The following IGSF3 variants were observed in gnomAD, a reference collection of about 807,000 sequenced individuals.
IGSF3 encodes immunoglobulin superfamily member 3, also known as glu-Trp-Ile EWI motif-containing protein 3.
A neutral mutation model predicts 114.4 loss-of-function variants in IGSF3; 23 were observed. The observed-to-expected ratio is 0.20, with a 90% CI of 0.14 to 0.28. IGSF3 has a LOEUF of 0.28. Among genes scored for constraint, IGSF3 ranks in the 10% least tolerant of loss-of-function variants. IGSF3 has a pLI of 1.00. For missense variants in IGSF3, 1,172 were observed against 1,591.5 expected (o/e 0.74, Z 4.48); for synonymous variants, 571 against 645.2 (o/e 0.88, Z 1.74).
At chr1:116,626,806 T>A (rs1647308954) in intron 2 of IGSF3, among the ~76,000 whole-genome samples, 1 of 152,092 alleles carries the variant, frequency 6.6e-6, no homozygotes, top group African/African-American at 2.4e-5. Flanking sequence ...CTCACCTGCA[T>A]TCCCCCTCAC....
chr1:116,636,333 G>A lies in IGSF3; in HGVS notation c.44-19876C>T, dbSNP rs1032673324. On this transcript the variant is annotated intron_variant, in intron 2 of 10. Transcript: ENST00000369486. The surrounding 1 kb of genome is among the most constrained non-coding windows in gnomAD (Gnocchi z 4.5). Reference sequence around the variant, plus strand: ...CCCTTTTTGGCCTCAAGCACATCACGAGGAAGGCTGGTGACAACCTTTCCT... The same window carrying A: ...CCCTTTTTGGCCTCAAGCACATCACAAGGAAGGCTGGTGACAACCTTTCCT... Among the ~76,000 whole-genome samples, 1 of 152,146 alleles carries A rather than the reference G, an allele frequency of 6.6e-6. No homozygotes were observed. Among genetic ancestry groups the A allele is most frequent in the Non-Finnish European group, 1.5e-5 (1 of 68,038 alleles).
In IGSF3 at chr1:116,574,554, T is replaced by C. The variant is rs1659259114; in HGVS notation, c.*2758A>G. ...TGGGTAGTTTTCTTACCCCATCTTTTTTTTTCCTCAATAATTAACGCAGAG... is the reference window on the plus strand; with the variant it reads ...TGGGTAGTTTTCTTACCCCATCTTTCTTTTTCCTCAATAATTAACGCAGAG... On this transcript the variant is annotated 3_prime_UTR_variant, in exon 11 of 11. Transcript: ENST00000369486. This position sits in a 1 kb window ranked among gnomAD's most constrained non-coding sequence, Gnocchi z 5.2. 6.6e-6 allele frequency: 1 copy of C among 152,644 alleles called. No individual in the cohort carries two copies. The highest frequency in any genetic ancestry group is 6.5e-5 in the Admixed American group (1 of 15,288). The allele number at this position is 152,644 out of a possible 1,614,324, so 9.5% of individuals were successfully genotyped here.
chr1:116,576,663 T>C lies in IGSF3; in HGVS notation c.*649A>G, dbSNP rs1168591525. ...ATTTCTCTTGTACATACACAGTTCTTTGAAGCAAAATTCAGTGCTTTCGTC... is the reference window on the plus strand; with the variant it reads ...ATTTCTCTTGTACATACACAGTTCTCTGAAGCAAAATTCAGTGCTTTCGTC... On this transcript the variant is annotated 3_prime_UTR_variant, in exon 11 of 11. Coordinates refer to ENST00000369486, the MANE Select transcript of IGSF3 (RefSeq NM_001007237.3). This position sits in a 1 kb window ranked among gnomAD's most constrained non-coding sequence, Gnocchi z 4.6. 6.5e-6 allele frequency: 1 copy of C among 152,920 alleles called. No individual in the cohort carries two copies. The highest frequency in any genetic ancestry group is 1.5e-5 in the Non-Finnish European group (1 of 68,256). The allele number at this position is 152,920 out of a possible 1,614,324, so 9.5% of individuals were successfully genotyped here.
chr1:116,592,729 T>C lies in IGSF3; in HGVS notation c.2030-3625A>G, dbSNP rs1371922683. ...CCCTTACGCTCTACTATAGCTGTGTTACTGCTGCCTTACAACGAAGGTAAT... is the reference window on the plus strand; with the variant it reads ...CCCTTACGCTCTACTATAGCTGTGTCACTGCTGCCTTACAACGAAGGTAAT... On this transcript the variant is annotated intron_variant, in intron 7 of 10. Transcript: ENST00000369486. The surrounding 1 kb of genome is among the most constrained non-coding windows in gnomAD (Gnocchi z 4.5). 6.6e-6 allele frequency among the ~76,000 whole-genome samples: 1 copy of C among 152,244 alleles called. No individual in the cohort carries two copies. The highest frequency in any genetic ancestry group is 1.5e-5 in the Non-Finnish European group (1 of 68,044).
rs1660679945 is a variant in IGSF3 at position 116,603,545 on chromosome 1, T to A, written c.1624+79A>T. ...CATAGTTTCCTGCTAAAACTCTGAC[T>A]GAGAAAAGTCAGGATAAGGTGTTTG... On this transcript the variant is annotated intron_variant, in intron 6 of 10. Transcript: ENST00000369486. The surrounding 1 kb of genome is among the most constrained non-coding windows in gnomAD (Gnocchi z 7.1). The A allele has an allele frequency of 7.1e-7, 1 of 1,414,264 alleles. No homozygotes were observed. 87.6% of individuals were successfully genotyped at this position (1,414,264 alleles called of 1,614,324 possible). A position where few individuals can be genotyped will look rare whatever the true frequency, so the allele number is the denominator to read the frequency against.
chr1:116,645,923 T>C (rs1326061159), intron 2 of IGSF3, among the ~76,000 whole-genome samples: 5 of 152,160 alleles, frequency 3.3e-5, no homozygotes, highest in Admixed American at 2.0e-4. Flanking sequence ...CTGGAAGCCA[T>C]GGACGCGACT....
In IGSF3 at chr1:116,589,066, T is replaced by G. The variant is rs1571124703; in HGVS notation, c.2068A>C (p.Thr690Pro). ...LQVSKSKRTLTLVENKPIQLN... is the reference protein window; with the variant it reads ...LQVSKSKRTLPLVENKPIQLN... ...TGAATGGGCTTGTTTTCCACCAGGG[T>G]GAGGGTCCTCTTCGATTTGCTCACC... Residue 690 changes from threonine (T) to proline (P), a missense_variant, in exon 8 of 11, where the codon ACC (threonine) becomes CCC (proline). Around this residue, in one of 3 missense-constraint regions of IGSF3, gnomAD observed 736 missense variants for 1,042.0 expected, o/e 0.71. Coordinates refer to ENST00000369486, the MANE Select transcript of IGSF3 (RefSeq NM_001007237.3). This position sits in a 1 kb window ranked among gnomAD's most constrained non-coding sequence, Gnocchi z 5.7. 6.2e-7 allele frequency: 1 copy of G among 1,614,070 alleles called. No individual in the cohort carries two copies.
At chr1:116,637,284 CA>C (rs1431324718) in intron 2 of IGSF3, among the ~76,000 whole-genome samples, 8 of 152,172 alleles carry the variant, frequency 5.3e-5, no homozygotes, top group African/African-American at 1.7e-4. Flanking sequence ...AAATTGGGCT[CA>C]GGGGTCCTGG....
chr1:116,585,876 A>G lies in IGSF3; in HGVS notation c.2441-824T>C, dbSNP rs1200333934. 2.0e-5 allele frequency among the ~76,000 whole-genome samples: 3 copies of G among 152,234 alleles called. No homozygotes were observed. The highest frequency in any genetic ancestry group is 2.1e-4 in the South Asian group (1 of 4,834). On this transcript the variant is annotated intron_variant, in intron 8 of 10. Transcript: ENST00000369486. This position sits in a 1 kb window ranked among gnomAD's most constrained non-coding sequence, Gnocchi z 4.9. Reference sequence around the variant, plus strand: ...TTGCACACTCCAGCCTGTGCAACAGAGTGAGACTGTCTCAAAAAAAAGAAA... The same window carrying G: ...TTGCACACTCCAGCCTGTGCAACAGGGTGAGACTGTCTCAAAAAAAAGAAA...
chr1:116,623,392 C>T (rs1277058306), intron 2 of IGSF3, among the ~76,000 whole-genome samples: 1 of 152,114 alleles, frequency 6.6e-6, no homozygotes, highest in Non-Finnish European at 1.5e-5. Context: ...GCTGGCTAAA[C>T]ACACTTGCAC....
In IGSF3 at chr1:116,634,560, AG is replaced by A. The variant is rs1483522591; in HGVS notation, c.44-18104del. ...GTTCTCAGTTTGCCCATCAAATCTC[AG>A]GTGGCACTCTCCATTCCCTGCTATG... On this transcript the variant is annotated intron_variant, in intron 2 of 10. Coordinates refer to ENST00000369486, the MANE Select transcript of IGSF3 (RefSeq NM_001007237.3). The surrounding 1 kb of genome is among the most constrained non-coding windows in gnomAD (Gnocchi z 4.2). Among the ~76,000 whole-genome samples, 2 of 152,196 alleles carry A rather than the reference AG, an allele frequency of 1.3e-5. No homozygotes were observed. The highest frequency in any genetic ancestry group is 4.8e-5 in the African/African-American group (2 of 41,444).
chr1:116,580,605 G>C (rs180989935), intron 9 of IGSF3, among the ~76,000 whole-genome samples: 1 of 152,250 alleles, frequency 6.6e-6, no homozygotes, highest in Non-Finnish European at 1.5e-5. Flanking sequence ...GCAAGAAGGC[G>C]CCGTCTGCGG....
At chr1:116,652,989 T>A (rs905081582) in intron 2 of IGSF3, among the ~76,000 whole-genome samples, 5 of 152,116 alleles carry the variant, frequency 3.3e-5, no homozygotes, top group African/African-American at 1.2e-4. Flanking sequence ...GCAGGCTCTG[T>A]CCCCATGCCA....
rs1648759793 is a variant in IGSF3 at position 116,654,417 on chromosome 1, T to C, written c.43+11867A>G. On this transcript the variant is annotated intron_variant, in intron 2 of 10. Transcript: ENST00000369486. This position sits in a 1 kb window ranked among gnomAD's most constrained non-coding sequence, Gnocchi z 4.4. ...AGAAAAGTGCAGATCAATGCCTCCT[T>C]AGGGTTAACCCCAGGTTGGGAGAGG... 2.0e-5 allele frequency among the ~76,000 whole-genome samples: 3 copies of C among 152,176 alleles called. No homozygotes were observed. The highest frequency in any genetic ancestry group is 7.2e-5 in the African/African-American group (3 of 41,442).
intron 4 of IGSF3, 137 bp downstream of exon 4, chr1:116,613,628 C>T (rs1289089127): frequency 7.4e-6 from 6 of 810,532 alleles, no homozygotes; most frequent in Non-Finnish European, 1.2e-5. Context: ...CAGCCGCACA[C>T]AAGACCGGCT....
rs115435108 is a variant in IGSF3 at position 116,604,892 on chromosome 1, C to T, written c.1223-867G>A. ...CTTCTGTAAGACAGGTAGAGAGCCA[C>T]CTTTAACTGTAGAATTCTTTAAATA... On this transcript the variant is annotated intron_variant, in intron 5 of 10. Coordinates refer to ENST00000369486, the MANE Select transcript of IGSF3 (RefSeq NM_001007237.3). Among the ~76,000 whole-genome samples, 584 of 152,266 alleles carry T rather than the reference C, an allele frequency of 3.8e-3. 5 individuals carry two copies. The highest frequency in any genetic ancestry group is 0.013 in the African/African-American group (541 of 41,550).
rs1299412016 is a variant in IGSF3 at position 116,576,515 on chromosome 1, T to C, written c.*797A>G. 6.6e-6 allele frequency: 1 copy of C among 152,638 alleles called. No homozygotes were observed. Among genetic ancestry groups the C allele is most frequent in the African/African-American group, 2.4e-5 (1 of 41,436 alleles). 9.5% of individuals were successfully genotyped at this position (152,638 alleles called of 1,614,324 possible). On this transcript the variant is annotated 3_prime_UTR_variant, in exon 11 of 11. Coordinates refer to ENST00000369486, the MANE Select transcript of IGSF3 (RefSeq NM_001007237.3). The surrounding 1 kb of genome is among the most constrained non-coding windows in gnomAD (Gnocchi z 4.6). Reference sequence around the variant, plus strand: ...CTTTAATTTGGAAAGTGTGTGCCGTTTGGGGCTTCTGACCCATTCTCCAAG... The same window carrying C: ...CTTTAATTTGGAAAGTGTGTGCCGTCTGGGGCTTCTGACCCATTCTCCAAG...
chr1:116,604,103 G>C, intron 5 of IGSF3, 78 bp from the exon 6 acceptor site: 2 of 1,283,024 alleles, frequency 1.6e-6, no homozygotes, highest in Non-Finnish European at 2.1e-6. Context: ...AACAGGAGAA[G>C]GGGTGCAAAT....
Position 116,610,223 on chromosome 1 carries a change from C to T in IGSF3, c.833-1892G>A, listed in dbSNP as rs1335988691. Among the ~76,000 whole-genome samples the T allele has an allele frequency of 6.6e-6, 1 of 152,214 alleles. No homozygotes were observed. The highest frequency in any genetic ancestry group is 2.4e-5 in the African/African-American group (1 of 41,448). ...GTCATTTATAACCCAACATCAATGA[C>T]AGAAAAGCACTCCTTCCACATAAAC... On this transcript the variant is annotated intron_variant, in intron 4 of 10. Coordinates refer to ENST00000369486, the MANE Select transcript of IGSF3 (RefSeq NM_001007237.3). This position sits in a 1 kb window ranked among gnomAD's most constrained non-coding sequence, Gnocchi z 4.3.
Sources: gnomAD v4.1 joint callset for allele counts (sites outside exome capture counted in the v4.1 genomes callset) on GRCh38, gnomAD v4.1.1 for gene constraint, gnomAD v4.1.1 regional missense constraint, Gnocchi (gnomAD v3.1) non-coding constraint, MANE v1.5 for transcripts, NCBI Gene and HGNC (gene_info 2026-07-23, HGNC 2026-07-21) for gene names.